Variants in ARHGEF16 observed in about 807,000 individuals in gnomAD.
The protein encoded by ARHGEF16 is Rho guanine nucleotide exchange factor 16, also known as Rho guanine exchange factor (GEF) 16.
A neutral mutation model predicts 74.1 loss-of-function variants in ARHGEF16; 59 were observed. The ratio of observed to expected loss-of-function variants is 0.80; its 90% CI spans 0.65 to 0.99. ARHGEF16 has a LOEUF of 0.99. ARHGEF16 is among the 50% of genes least tolerant of loss of function. ARHGEF16 has a pLI of 0.00. For missense variants in ARHGEF16, 948 were observed against 986.6 expected (o/e 0.96, Z 0.52); for synonymous variants, 415 against 412.6 (o/e 1.01, Z -0.07).
chr1:3,476,168 G>A (rs1421077191), intron 10 of ARHGEF16, 106 bp downstream of exon 10: 1 of 1,225,812 alleles, frequency 8.2e-7, no homozygotes, highest in South Asian at 1.5e-5. Flanking sequence ...TGGAGAGTGG[G>A]TGCCTGCCCT....
chr1:3,471,528 G>A (rs1013772313), intron 6 of ARHGEF16: 23 of 658,418 alleles, frequency 3.5e-5, no homozygotes, highest in South Asian at 8.3e-5. Context: ...GACTCAGCAT[G>A]GGATGGGGCT....
intron 2 of ARHGEF16, among the ~76,000 whole-genome samples, chr1:3,464,534 C>T (rs1010455172): frequency 2.6e-5 from 4 of 152,172 alleles, no homozygotes; most frequent in African/African-American, 4.8e-5. Context: ...CATCAGGAGG[C>T]CCTGGCAGCC....
intron 2 of ARHGEF16, among the ~76,000 whole-genome samples, chr1:3,464,990 T>A (rs971215810): frequency 2.6e-5 from 4 of 152,166 alleles, no homozygotes; most frequent in African/African-American, 9.7e-5. Context: ...GCCACTGTCC[T>A]CGGTCACAGC....
intron 10 of ARHGEF16, 125 bp downstream of exon 10, chr1:3,476,187 C>CCAGCCCCCAGGCCTCA: frequency 2.1e-6 from 2 of 975,090 alleles, no homozygotes; most frequent in Non-Finnish European, 3.0e-6. Context: ...CTCATGAGGC[C>CCAGCCCCCAGGCCTCA]TGGGGGCTGG....
At position 3,463,248 on chromosome 1, in the gene ARHGEF16, C is replaced by T. The variant is rs915570600; in HGVS notation, c.164C>T (p.Pro55Leu). The change falls in exon 2 of 15, where the codon CCG becomes CTG. Residue 55 changes from proline to leucine, a missense_variant. Coordinates refer to ENST00000378378, the MANE Select transcript of ARHGEF16 (RefSeq NM_014448.4). ...GATGCCGCCTTCCAGCCCCAGGTCC[C>T]GGCACCCCCACAGCCTCGGCCCCCG... ...RDDAAFQPQV[P>L]APPQPRPPGH... 1.9e-5 allele frequency: 30 copies of T among 1,548,510 alleles called. No individual in the cohort carries two copies. The highest frequency in any genetic ancestry group is 3.9e-5 in the Admixed American group (2 of 50,922).
chr1:3,457,778 C>A (rs1639299438), intron 1 of ARHGEF16, among the ~76,000 whole-genome samples: 1 of 152,212 alleles, frequency 6.6e-6, no homozygotes, highest in African/African-American at 2.4e-5. Context: ...TGGATTCCGC[C>A]TGCTCGCCTC....
rs55824184 is a variant in ARHGEF16 at position 3,478,288 on chromosome 1, C to T, written c.1626-136C>T. On this transcript the variant is annotated intron_variant, in intron 11 of 14. Transcript: ENST00000378378. ...AAGCCATGGCCTCTGTTCTGTGGGA[C>T]GCGGGAACTCTTGGAGCCCGTCCGT... 7,418 of 1,034,670 alleles carry T rather than the reference C, an allele frequency of 7.2e-3. 356 individuals are homozygous for T. In the African/African-American group the frequency reaches 0.11, roughly 15 times the overall value. The allele number at this position is 1,034,670 out of a possible 1,614,324, so 64.1% of individuals were successfully genotyped here. A position where few individuals can be genotyped will look rare whatever the true frequency, so the allele number is the denominator to read the frequency against.
intron 1 of ARHGEF16, among the ~76,000 whole-genome samples, chr1:3,455,276 A>G (rs1024107457): frequency 9.9e-5 from 15 of 151,888 alleles, no homozygotes; most frequent in African/African-American, 3.6e-4. Flanking sequence ...CTGACACCCA[A>G]ACCTGCTTTG....
chr1:3,465,609 C>T (rs529755909), intron 2 of ARHGEF16, among the ~76,000 whole-genome samples: 1 of 152,268 alleles, frequency 6.6e-6, no homozygotes, highest in African/African-American at 2.4e-5. Flanking sequence ...ACCAGCATAC[C>T]TGTGGCGTCA....
chr1:3,469,382 C>A, intron 5 of ARHGEF16, 51 bp from the exon 6 acceptor site: 1 of 1,599,530 alleles, frequency 6.3e-7, no homozygotes, highest in Non-Finnish European at 8.5e-7. Context: ...GTCACCGAGG[C>A]ACGCCCGTGT....
intron 2 of ARHGEF16, among the ~76,000 whole-genome samples, chr1:3,464,060 C>T (rs1234674913): frequency 2.6e-5 from 4 of 152,216 alleles, no homozygotes; most frequent in African/African-American, 7.2e-5. Flanking sequence ...CCATCTGCCC[C>T]GGCAGCTCCA....
intron 1 of ARHGEF16, among the ~76,000 whole-genome samples, chr1:3,458,388 G>A (rs894137849): frequency 1.7e-4 from 26 of 152,374 alleles, no homozygotes; most frequent in African/African-American, 6.3e-4. Flanking sequence ...CACTGCAGCC[G>A]GGACAGCATG....
chr1:3,468,766 T>A (rs2493249), intron 4 of ARHGEF16, 114 bp from the exon 5 acceptor site: 1 of 1,234,892 alleles, frequency 8.1e-7, no homozygotes, highest in Non-Finnish European at 1.2e-6. Context: ...ACCTGAGCCC[T>A]GTGGGGTGGC....
intron 1 of ARHGEF16, among the ~76,000 whole-genome samples, chr1:3,456,949 G>A (rs865946918): frequency 2.5e-4 from 38 of 152,338 alleles, no homozygotes; most frequent in African/African-American, 9.1e-4. Context: ...TCTCTGCTTA[G>A]CTGCCTAGGA....
chr1:3,469,696 G>C (rs1639651599), intron 6 of ARHGEF16, 103 bp downstream of exon 6: 1 of 1,449,724 alleles, frequency 6.9e-7, no homozygotes, highest in Non-Finnish European at 9.4e-7. Context: ...AGCCTGCGCT[G>C]CACCTTGATG....
At chr1:3,478,817 G>A (rs903224274) in intron 12 of ARHGEF16, among the ~76,000 whole-genome samples, 1 of 152,066 alleles carries the variant, frequency 6.6e-6, no homozygotes, top group Admixed American at 6.5e-5. Flanking sequence ...GGGAGGGGAC[G>A]CACCAACAGT....
At chr1:3,458,461 G>A (rs554911198) in intron 1 of ARHGEF16, among the ~76,000 whole-genome samples, 9 of 152,326 alleles carry the variant, frequency 5.9e-5, no homozygotes, top group Admixed American at 2.6e-4. Context: ...ACCAGGAGCC[G>A]ACCAGCATCT....
chr1:3,461,795 T>C (rs1016011657), intron 1 of ARHGEF16, among the ~76,000 whole-genome samples: 5 of 152,098 alleles, frequency 3.3e-5, no homozygotes, highest in African/African-American at 1.2e-4. Context: ...GTCCAGGCCA[T>C]TGAGGCTCTG....
At chr1:3,473,357 T>C (rs1207002728) in intron 7 of ARHGEF16, 36 bp from the exon 8 acceptor site, 3 of 1,583,650 alleles carry the variant, frequency 1.9e-6, no homozygotes, top group Non-Finnish European at 2.6e-6. Flanking sequence ...AGGCTGGCCA[T>C]GCAGAGCCTG....
Sources: allele counts gnomAD v4.1 joint callset (sites outside exome capture counted in the v4.1 genomes callset), GRCh38; gene constraint gnomAD v4.1.1; transcripts MANE v1.5; gene names NCBI Gene and HGNC (gene_info 2026-07-23, HGNC 2026-07-21).